Variants in NDC1 observed in about 807,000 individuals in gnomAD.
NDC1 encodes NDC1 transmembrane nucleoporin, also known as nucleoporin NDC1.
A neutral mutation model predicts 89.8 loss-of-function variants in NDC1; 24 were observed. The observed-to-expected ratio is 0.27, with a 90% CI of 0.19 to 0.38. The LOEUF (loss-of-function observed/expected upper bound fraction) is 0.38, where lower values mean the gene tolerates loss of function less well. Among genes scored for constraint, NDC1 ranks in the 10% least tolerant of loss-of-function variants. NDC1 has a pLI of 1.00. For missense variants in NDC1, 728 were observed against 797.6 expected, an observed-to-expected ratio of 0.91 and a Z score of 1.05; for synonymous variants, 296 against 284.8, an observed-to-expected ratio of 1.04 and a Z score of -0.39.
At chr1:53,820,270 A>C (rs192711886) in intron 5 of NDC1, among the ~76,000 whole-genome samples, 247 of 152,236 alleles carry the variant, frequency 1.6e-3, no homozygotes, top group African/African-American at 5.9e-3. Context: ...AAAAACAAAA[A>C]GAAAGAAAAC....
At chr1:53,824,188 C>T (rs1308669570) in intron 5 of NDC1, among the ~76,000 whole-genome samples, 4 of 147,366 alleles carry the variant, frequency 2.7e-5, no homozygotes, top group Admixed American at 1.4e-4. Context: ...GAGCGATGAT[C>T]GTGCTACTGC....
chr1:53,806,861 A>G (rs1319872585), intron 8 of NDC1, among the ~76,000 whole-genome samples: 2 of 152,238 alleles, frequency 1.3e-5, no homozygotes, highest in African/African-American at 4.8e-5. Context: ...ATTCTCAATC[A>G]CTTAAAAAGA....
At chr1:53,833,169 T>G (rs971575603) in intron 2 of NDC1, among the ~76,000 whole-genome samples, 2 of 152,160 alleles carry the variant, frequency 1.3e-5, no homozygotes, top group African/African-American at 4.8e-5. Context: ...TTTCTCTGTC[T>G]TTCTTTCTTT....
intron 5 of NDC1, among the ~76,000 whole-genome samples, chr1:53,819,790 A>C (rs75328073): frequency 2.8e-3 from 432 of 152,338 alleles, no homozygotes; most frequent in African/African-American, 9.9e-3. Context: ...TGTGAAAGAC[A>C]AGAAAGCTGA....
At chr1:53,825,002 C>T (rs1648798608) in intron 5 of NDC1, among the ~76,000 whole-genome samples, 3 of 151,756 alleles carry the variant, frequency 2.0e-5, no homozygotes, top group Non-Finnish European at 4.4e-5. Context: ...GGAGAAACCC[C>T]ATCTCTACAA....
chr1:53,812,452 T>C lies in NDC1; in HGVS notation c.704-2706A>G, dbSNP rs372987637. ...ATTCAGGAAACTTTGGATTCACTTT[T>C]AGAAATGCGAAATGCTCTGGAAAGT... On this transcript the variant is annotated intron_variant, in intron 6 of 17. Transcript: ENST00000371429. Among the ~76,000 whole-genome samples, 3 of 152,324 alleles carry C rather than the reference T, an allele frequency of 2.0e-5. No individual in the cohort carries two copies. The East Asian group carries it at 5.8e-4, about 29-fold the overall frequency.
At chr1:53,835,911 CTTAA>C (rs1173389186) in intron 1 of NDC1, among the ~76,000 whole-genome samples, 3 of 152,078 alleles carry the variant, frequency 2.0e-5, no homozygotes, top group Non-Finnish European at 2.9e-5. Flanking sequence ...TCTCTCTAGG[CTTAA>C]TTGATAGCTA....
Position 53,819,084 on chromosome 1 carries a change from G to C in NDC1, c.595-5C>G, listed in dbSNP as rs1374222439. 1 of 1,400,970 alleles carries C rather than the reference G, an allele frequency of 7.1e-7. No individual in the cohort carries two copies. The highest frequency in any genetic ancestry group is 9.9e-7 in the Non-Finnish European group (1 of 1,006,902). The allele number at this position is 1,400,970 out of a possible 1,614,324, so 86.8% of individuals were successfully genotyped here. A position where few individuals can be genotyped will look rare whatever the true frequency, so the allele number is the denominator to read the frequency against. On this transcript the variant is annotated splice_region_variant and splice_polypyrimidine_tract_variant and intron_variant, in intron 5 of 17. Coordinates refer to ENST00000371429, the MANE Select transcript of NDC1 (RefSeq NM_018087.5). The stretch of plus-strand genomic sequence containing the variant: ...AAAACGCAAGAACTTGTATTGCTGT[G>C]GGGAAAAAAAAAAGAATCAAATGAC...
chr1:53,771,916 A>T lies in NDC1; in HGVS notation c.1961+413T>A, dbSNP rs72662305. ...GTTTTTCCAGCATGAATCACAAAGC[A>T]CCAGGGATTCATTTCTGGAATACTT... On this transcript the variant is annotated intron_variant, in intron 17 of 17. Coordinates refer to ENST00000371429, the MANE Select transcript of NDC1 (RefSeq NM_018087.5). Among the ~76,000 whole-genome samples the T allele has an allele frequency of 6.6e-3, 1,005 of 152,322 alleles. 5 individuals carry two copies. Among genetic ancestry groups the T allele is most frequent in the Non-Finnish European group, 0.011 (759 of 68,030 alleles).
Position 53,788,443 on chromosome 1 carries a change from T to A in NDC1, c.1699+690A>T, listed in dbSNP as rs527881760. Reference sequence around the variant, plus strand: ...CCTACAAAAAAAAAATTTTTTTTTTTGAGATGGAGTTGCGCTATTTGTTAC... The same window carrying A: ...CCTACAAAAAAAAAATTTTTTTTTTAGAGATGGAGTTGCGCTATTTGTTAC... On this transcript the variant is annotated intron_variant, in intron 15 of 17. Coordinates refer to ENST00000371429, the MANE Select transcript of NDC1 (RefSeq NM_018087.5). 2.6e-5 allele frequency among the ~76,000 whole-genome samples: 4 copies of A among 152,014 alleles called. No homozygotes were observed. In the East Asian group the frequency reaches 7.8e-4, roughly 29 times the overall value.
intron 11 of NDC1, among the ~76,000 whole-genome samples, 153 bp from the exon 12 acceptor site, chr1:53,797,297 C>T (rs1033111079): frequency 6.6e-6 from 1 of 152,170 alleles, no homozygotes. Context: ...TCTCAAGATT[C>T]GATTTTACTA....
At chr1:53,783,149 A>G (rs541414295) in intron 16 of NDC1, among the ~76,000 whole-genome samples, 1 of 152,214 alleles carries the variant, frequency 6.6e-6, no homozygotes, top group Admixed American at 6.5e-5. Context: ...AACTGGGCCT[A>G]GGTGATAGTT....
intron 8 of NDC1, 42 bp downstream of exon 8, chr1:53,807,614 A>G: frequency 1.3e-6 from 2 of 1,560,464 alleles, no homozygotes; most frequent in East Asian, 2.3e-5. Flanking sequence ...TGTGCACTCC[A>G]AAACACAAAA....
rs76456231 is a variant in NDC1 at position 53,828,262 on chromosome 1, T to C, written c.281-89A>G. 1,139 of 1,212,548 alleles carry C rather than the reference T, an allele frequency of 9.4e-4. 8 individuals are homozygous for C. In the African/African-American group the frequency reaches 0.016, roughly 17 times the overall value. The allele number at this position is 1,212,548 out of a possible 1,614,324, so 75.1% of individuals were successfully genotyped here. ...CTATCCCCTCTCATCCTTGCACAAATGTTCCAAAGGCAGAGAGAAATCCAC... is the reference window on the plus strand; with the variant it reads ...CTATCCCCTCTCATCCTTGCACAAACGTTCCAAAGGCAGAGAGAAATCCAC... On this transcript the variant is annotated intron_variant, in intron 3 of 17. Transcript: ENST00000371429.
chr1:53,765,793 C>G lies in NDC1; in HGVS notation c.*2177G>C, dbSNP rs948185083. 2 of 152,198 alleles carry G rather than the reference C, an allele frequency of 1.3e-5. No homozygotes were observed. Among genetic ancestry groups the G allele is most frequent in the Admixed American group, 1.3e-4 (2 of 15,284 alleles). The allele number at this position is 152,198 out of a possible 1,614,324, so 9.4% of individuals were successfully genotyped here. ...CCGAGAAAGGCTTTTAAAGAACACT[C>G]TCTTTCAGGCCAATGTTACAGCATT... On this transcript the variant is annotated 3_prime_UTR_variant, in exon 18 of 18. Coordinates refer to ENST00000371429, the MANE Select transcript of NDC1 (RefSeq NM_018087.5).
rs1446474721 is a variant in NDC1 at position 53,766,237 on chromosome 1, T to C, written c.*1733A>G. The C allele has an allele frequency of 6.6e-6, 1 of 152,228 alleles. No individual in the cohort carries two copies. Among genetic ancestry groups the C allele is most frequent in the African/African-American group, 2.4e-5 (1 of 41,460 alleles). The allele number at this position is 152,228 out of a possible 1,614,324, so 9.4% of individuals were successfully genotyped here. On this transcript the variant is annotated 3_prime_UTR_variant, in exon 18 of 18. Transcript: ENST00000371429. ...GTTCAAAGGAATCATCCTATCTTTATTCTCAGAAATCCAATGTTGAATATC... is the reference window on the plus strand; with the variant it reads ...GTTCAAAGGAATCATCCTATCTTTACTCTCAGAAATCCAATGTTGAATATC...
chr1:53,772,410 T>C lies in NDC1; in HGVS notation c.1880A>G (p.Tyr627Cys). Residue 627 changes from tyrosine to cysteine, a missense_variant, in exon 17 of 18, where the codon TAT becomes TGT. Physicochemically the swap from Tyr to Cys is radical, Grantham distance 194. Transcript: ENST00000371429. ...TCTGAATGCAAATCTTAATGTTTTATATGAAGTGTCCACAAGGCTTCCTGA... is the reference window on the plus strand; with the variant it reads ...TCTGAATGCAAATCTTAATGTTTTACATGAAGTGTCCACAAGGCTTCCTGA... ...RISGSLVDTS[Y>C]KTLRFAFRAS... The C allele has an allele frequency of 6.2e-7, 1 of 1,613,948 alleles. No individual in the cohort carries two copies. Among genetic ancestry groups the C allele is most frequent in the Non-Finnish European group, 8.5e-7 (1 of 1,179,840 alleles).
chr1:53,838,230 CCGGCGCAGG>C lies in NDC1; in HGVS notation c.23_31del (p.Pro8_Gly11delinsArg), dbSNP rs1490916608. The C allele has an allele frequency of 6.5e-7, 1 of 1,536,614 alleles. No homozygotes were observed. Among genetic ancestry groups the C allele is most frequent in the East Asian group, 2.4e-5 (1 of 40,834 alleles). On this transcript the variant is annotated inframe_deletion, in exon 1 of 18. Transcript: ENST00000371429. ...GCGCCACAGTATGTCCCGCGACCTG[CCGGCGCAGG>C]GCCGGCTCACGGCCGTGGCCATGGA...
Position 53,825,797 on chromosome 1 carries a change from C to A in NDC1, c.594+1G>T. 1.3e-6 allele frequency: 2 copies of A among 1,588,664 alleles called. No individual in the cohort carries two copies. Among genetic ancestry groups the A allele is most frequent in the Admixed American group, 1.9e-5 (1 of 52,930 alleles). ...ATCAAGTAATGCTCAAATGATCTTA[C>A]CTGTATGATGGGAAATGGAAGATAG... On this transcript the variant is annotated splice_donor_variant, in intron 5 of 17. Transcript: ENST00000371429. LOFTEE classifies it high-confidence loss of function.
Sources: allele counts gnomAD v4.1 joint callset (sites outside exome capture counted in the v4.1 genomes callset), GRCh38; gene constraint gnomAD v4.1.1; transcripts MANE v1.5; gene names NCBI Gene and HGNC (gene_info 2026-07-23, HGNC 2026-07-21).